Variants in GABRR2 observed in about 807,000 individuals in gnomAD.
GABRR2 encodes gamma-aminobutyric acid type A receptor subunit rho2.
In GABRR2, 36 loss-of-function variants were observed where a neutral mutation model predicts 47.0. The observed-to-expected ratio is 0.77, with a 90% CI of 0.59 to 1.01. GABRR2 has a LOEUF of 1.01. Ranked by LOEUF, GABRR2 falls within the 50% of genes least tolerant of loss-of-function variation. GABRR2 has a pLI of 0.00. For missense variants in GABRR2, 587 were observed against 594.6 expected (o/e 0.99, Z 0.13); for synonymous variants, 204 against 227.5 (o/e 0.90, Z 0.93).
intron 1 of GABRR2, among the ~76,000 whole-genome samples, chr6:89,313,657 C>T (rs2127853291): frequency 6.6e-6 from 1 of 152,338 alleles, no homozygotes; most frequent in South Asian, 2.1e-4. Context: ...TGGCTTCTGC[C>T]TGTAATCCTA....
intron 8 of GABRR2, among the ~76,000 whole-genome samples, chr6:89,263,596 C>T (rs1773805663): frequency 6.6e-6 from 1 of 152,194 alleles, no homozygotes; most frequent in Admixed American, 6.5e-5. Context: ...AATCTCAGCT[C>T]ACTGTAACCT....
At chr6:89,271,753 C>T (rs760077115) in intron 2 of GABRR2, 31 bp from the exon 3 acceptor site, 3 of 1,593,984 alleles carry the variant, frequency 1.9e-6, no homozygotes, top group East Asian at 4.5e-5. Context: ...CTGGTTAAGG[C>T]ACCTTCCTCT....
chr6:89,287,948 G>C (rs1348402533), intron 2 of GABRR2, among the ~76,000 whole-genome samples: 1 of 152,242 alleles, frequency 6.6e-6, no homozygotes, highest in African/African-American at 2.4e-5. Context: ...TTAAGGAACA[G>C]AGAGGCTCAA....
chr6:89,286,195 C>A (rs993199948), intron 2 of GABRR2, among the ~76,000 whole-genome samples: 1 of 152,110 alleles, frequency 6.6e-6, no homozygotes, highest in African/African-American at 2.4e-5. Context: ...CACAGTTAGA[C>A]GTGGAATCTA....
intron 1 of GABRR2, among the ~76,000 whole-genome samples, chr6:89,308,395 C>T (rs1297949081): frequency 1.3e-5 from 2 of 152,042 alleles, no homozygotes; most frequent in East Asian, 1.9e-4. Context: ...CATATGTGTT[C>T]GATAGCCCCA....
intron 2 of GABRR2, among the ~76,000 whole-genome samples, chr6:89,292,803 T>TCATATATTATATA (rs1774487914): frequency 4.5e-5 from 1 of 22,190 alleles, no homozygotes; most frequent in Non-Finnish European, 7.1e-5. Flanking sequence ...ATCGTATATA[T>TCATATATTATATA]CGTATATACG....
At chr6:89,299,549 G>A (rs1235030588) in intron 2 of GABRR2, among the ~76,000 whole-genome samples, 1 of 152,152 alleles carries the variant, frequency 6.6e-6, no homozygotes, top group Non-Finnish European at 1.5e-5. Context: ...CTTAGTCACT[G>A]GTGGGCCCTC....
intron 8 of GABRR2, among the ~76,000 whole-genome samples, chr6:89,263,314 T>C (rs1773793978): frequency 6.6e-6 from 1 of 152,226 alleles, no homozygotes; most frequent in South Asian, 2.1e-4. Flanking sequence ...ATAATACATA[T>C]ACAAAATATG....
At chr6:89,265,794 G>T in intron 6 of GABRR2, 29 bp from the exon 7 acceptor site, 2 of 1,610,362 alleles carry the variant, frequency 1.2e-6, no homozygotes, top group Non-Finnish European at 1.7e-6. Flanking sequence ...AGCCAATGAG[G>T]TTCCATCTGA....
At chr6:89,270,674 G>A (rs1354101820) in intron 3 of GABRR2, among the ~76,000 whole-genome samples, 1 of 152,198 alleles carries the variant, frequency 6.6e-6, no homozygotes, top group African/African-American at 2.4e-5. Flanking sequence ...GGGTCCGTTA[G>A]GAGCAAGGGG....
chr6:89,264,372 G>C (rs772485170), intron 8 of GABRR2, 40 bp downstream of exon 8: 2 of 1,580,438 alleles, frequency 1.3e-6, no homozygotes, highest in South Asian at 2.3e-5. Context: ...TTTTCACCCA[G>C]CAGCATGGAC....
At chr6:89,302,707 C>T in intron 1 of GABRR2, 1 of 1,355,654 alleles carries the variant, frequency 7.4e-7, no homozygotes. Flanking sequence ...GCAGTGGCCA[C>T]CGTGTTCCGG....
intron 2 of GABRR2, among the ~76,000 whole-genome samples, chr6:89,290,461 A>G (rs945748429): frequency 4.6e-5 from 7 of 152,226 alleles, no homozygotes; most frequent in Admixed American, 1.3e-4. Flanking sequence ...CTCGCCTGGA[A>G]AAGAGGCATG....
chr6:89,301,884 C>A, intron 1 of GABRR2: 1 of 1,147,636 alleles, frequency 8.7e-7, no homozygotes, highest in Non-Finnish European at 1.3e-6. Context: ...ACCCCAGCGG[C>A]AACTACGTGG....
At chr6:89,314,926 G>C in intron 1 of GABRR2, 127 bp downstream of exon 1, 1 of 769,948 alleles carries the variant, frequency 1.3e-6, no homozygotes, top group African/African-American at 1.7e-5. Context: ...CAGTGAAGTA[G>C]CTGGGTTCTC....
chr6:89,297,138 T>C (rs1237271957), intron 2 of GABRR2, among the ~76,000 whole-genome samples: 1 of 152,270 alleles, frequency 6.6e-6, no homozygotes, highest in East Asian at 1.9e-4. Flanking sequence ...TTTTGCTTCA[T>C]GGGCCTCTTC....
chr6:89,264,654 T>A (rs777819569), intron 7 of GABRR2, 46 bp from the exon 8 acceptor site: 8 of 1,599,660 alleles, frequency 5.0e-6, no homozygotes, highest in Non-Finnish European at 6.0e-6. Context: ...GGTCTAGAAC[T>A]GCCCTCATAT....
rs531448878 is a variant in GABRR2, at chr6:89,305,843, C to T, written c.114-5978G>A. ...GGAAAGGATCAGAAAAAATAACTGTCGAGTACGGGGCTTCGTACCTGGGTG... is the reference window on the plus strand; with the variant it reads ...GGAAAGGATCAGAAAAAATAACTGTTGAGTACGGGGCTTCGTACCTGGGTG... On this transcript the variant is annotated intron_variant, in intron 1 of 8. Transcript: ENST00000402938. Among the ~76,000 whole-genome samples, 31 of 152,022 alleles carry T rather than the reference C, an allele frequency of 2.0e-4. 1 individual carries two copies. The South Asian group carries it at 5.8e-3, about 29-fold the overall frequency.
At chr6:89,274,977 A>C (rs1179348087) in intron 2 of GABRR2, among the ~76,000 whole-genome samples, 2 of 152,188 alleles carry the variant, frequency 1.3e-5, no homozygotes, top group East Asian at 3.9e-4. Flanking sequence ...CAGTTAGGTG[A>C]CAAATTCAAG....
Sources: gnomAD v4.1 joint callset for allele counts (sites outside exome capture counted in the v4.1 genomes callset) on GRCh38, gnomAD v4.1.1 for gene constraint, MANE v1.5 for transcripts, NCBI Gene and HGNC (gene_info 2026-07-23, HGNC 2026-07-21) for gene names.